ARL10: variants seen among roughly 807,000 people sequenced by gnomAD.
The protein encoded by ARL10 is ADP-ribosylation factor-like protein 10.
ARL10 carries 23 observed loss-of-function variants against 26.1 expected under a neutral mutation model. The ratio of observed to expected loss-of-function variants is 0.88; its 90% CI spans 0.63 to 1.25. ARL10 has a LOEUF of 1.25. Ranked by LOEUF, ARL10 falls within the 50% of genes most tolerant of loss-of-function variation. The probability of loss-of-function intolerance (pLI) is 0.00; values close to 1 mark genes in which losing one functional copy is unlikely to be tolerated. For missense variants in ARL10, 300 were observed against 323.6 expected, an observed-to-expected ratio of 0.93 and a Z score of 0.56; for synonymous variants, 138 against 149.1, an observed-to-expected ratio of 0.93 and a Z score of 0.54.
chr5:176,384,056 G>A, downstream of ARL10: 2 of 1,558,762 alleles, frequency 1.3e-6, no homozygotes, highest in Non-Finnish European at 1.7e-6. Flanking sequence ...TGGAGCCTCT[G>A]AGAACAGTTC....
the ARL10 span, among the ~76,000 whole-genome samples, chr5:176,410,781 G>A: frequency 6.6e-5 from 10 of 151,396 alleles, no homozygotes; most frequent in African/African-American, 1.7e-4. Context: ...TCCCTGAGGC[G>A]CCTTGAGCAA....
chr5:176,380,412 T>C lies in ARL10; in HGVS notation c.*8517T>C, dbSNP rs1581400005. The C allele has an allele frequency of 6.6e-6, 1 of 152,110 alleles. No individual in the cohort carries two copies. The highest frequency in any genetic ancestry group is 2.4e-5 in the African/African-American group (1 of 41,426). The allele number at this position is 152,110 out of a possible 1,614,324, so 9.4% of individuals were successfully genotyped here. A position where few individuals can be genotyped will look rare whatever the true frequency, so the allele number is the denominator to read the frequency against. ...TCATCGTGGCCATTTTAATTCTAAG[T>C]TGTTCCTAGTAAGGTTAACCTGTTT... On this transcript the variant is annotated 3_prime_UTR_variant, in exon 4 of 4. Coordinates refer to ENST00000310389, the MANE Select transcript of ARL10 (RefSeq NM_173664.6).
chr5:176,384,432 C>T (rs1755668370), downstream of ARL10: 2 of 1,542,640 alleles, frequency 1.3e-6, no homozygotes, highest in Non-Finnish European at 1.8e-6. Flanking sequence ...CAAATCTGAA[C>T]TCATCCTGAA....
rs1768637098 is a variant in ARL10 at position 176,374,649 on chromosome 5, T to C, written c.*2754T>C. 6.6e-6 allele frequency: 1 copy of C among 152,234 alleles called. No individual in the cohort carries two copies. The highest frequency in any genetic ancestry group is 1.5e-5 in the Non-Finnish European group (1 of 68,044). 9.4% of individuals were successfully genotyped at this position (152,234 alleles called of 1,614,324 possible). A position where few individuals can be genotyped will look rare whatever the true frequency, so the allele number is the denominator to read the frequency against. Reference sequence around the variant, plus strand: ...TGCTCATAGCCTGTTCAGGGTATAATGGCAATTAAGGACATAGTTCACTAT... The same window carrying C: ...TGCTCATAGCCTGTTCAGGGTATAACGGCAATTAAGGACATAGTTCACTAT... On this transcript the variant is annotated 3_prime_UTR_variant, in exon 4 of 4. Transcript: ENST00000310389.
chr5:176,407,311 T>C, the ARL10 span, among the ~76,000 whole-genome samples: 2,054 of 152,258 alleles, frequency 0.013, 39 homozygotes, highest in African/African-American at 0.047. Flanking sequence ...GTGTTCTAGG[T>C]ACTTTCTTTT....
intron 1 of ARL10, chr5:176,397,802 G>A: frequency 6.6e-7 from 1 of 1,511,608 alleles, no homozygotes; most frequent in Non-Finnish European, 9.2e-7. Context: ...CCCCTGCCAG[G>A]CAGCCACAGG....
At chr5:176,406,747 T>C, downstream of ARL10, 1 of 1,262,344 alleles carries the variant, frequency 7.9e-7, no homozygotes, top group South Asian at 1.3e-5. Flanking sequence ...AAAAGCTCTG[T>C]CTGGGATCCT....
At chr5:176,406,176 G>T, downstream of ARL10, 3 of 989,980 alleles carry the variant, frequency 3.0e-6, no homozygotes, top group Non-Finnish European at 3.6e-6. Flanking sequence ...TCAGTGGGGA[G>T]ATCAGTCATG....
At chr5:176,407,316 T>C in the ARL10 span, among the ~76,000 whole-genome samples, 2 of 152,176 alleles carry the variant, frequency 1.3e-5, no homozygotes, top group African/African-American at 4.8e-5. Flanking sequence ...CTAGGTACTT[T>C]CTTTTTTGAG....
intron 1 of ARL10, among the ~76,000 whole-genome samples, chr5:176,400,369 C>A (rs1234727729): frequency 6.6e-6 from 1 of 152,082 alleles, no homozygotes; most frequent in Non-Finnish European, 1.5e-5. Flanking sequence ...TTATTCATTC[C>A]CATTTTACAA....
intron 1 of ARL10, chr5:176,397,703 A>AC (rs1310070673): frequency 6.2e-7 from 1 of 1,613,390 alleles, no homozygotes; most frequent in Non-Finnish European, 8.5e-7. Context: ...CTGTTCCGTG[A>AC]CCTTAGATGC....
At chr5:176,389,580 C>G, downstream of ARL10, 1 of 1,416,364 alleles carries the variant, frequency 7.1e-7, no homozygotes, top group South Asian at 1.4e-5. Context: ...GGGACTTACT[C>G]CCTCCTCTCC....
rs1416376873 is a variant in ARL10 at position 176,368,925 on chromosome 5, G to T, written c.504G>T (p.Leu168=). Residue 168 remains leucine, a synonymous_variant, in exon 3 of 4, where the codon CTG becomes CTT. Transcript: ENST00000310389. The surrounding 1 kb of genome is among the most constrained non-coding windows in gnomAD (Gnocchi z 4.1). The stretch of plus-strand genomic sequence containing the variant: ...GGCTGCCCTGGGCCCGACAGGAGCT[G>T]CACAAGCTGCTGGACAAGGACCCTG... ...RLRLPWARQE[L]HKLLDKDPDL... 6.2e-7 allele frequency: 1 copy of T among 1,614,080 alleles called. No homozygotes were observed. The highest frequency in any genetic ancestry group is 1.7e-5 in the Admixed American group (1 of 60,028).
At chr5:176,366,102 C>CG (rs1252712897) in intron 1 of ARL10, among the ~76,000 whole-genome samples, 5 of 152,188 alleles carry the variant, frequency 3.3e-5, no homozygotes, top group Non-Finnish European at 7.4e-5. Context: ...GCACCCCGCC[C>CG]GGGGGTGGGG....
chr5:176,365,751 G>A lies in ARL10; in HGVS notation c.183+5G>A. The stretch of plus-strand genomic sequence containing the variant: ...CCCGAGTGGGACGAGTGGGACGTGA[G>A]TGCCGGGCCGAGGCCTGCGGAAGGG... On this transcript the variant is annotated splice_donor_5th_base_variant and intron_variant, in intron 1 of 3. Coordinates refer to ENST00000310389, the MANE Select transcript of ARL10 (RefSeq NM_173664.6). 1 of 1,235,300 alleles carries A rather than the reference G, an allele frequency of 8.1e-7. No homozygotes were observed. Among genetic ancestry groups the A allele is most frequent in the Non-Finnish European group, 1.0e-6 (1 of 989,106 alleles). The allele number at this position is 1,235,300 out of a possible 1,614,324, so 76.5% of individuals were successfully genotyped here. A position where few individuals can be genotyped will look rare whatever the true frequency, so the allele number is the denominator to read the frequency against.
At chr5:176,394,613 G>GATCAAT in intron 1 of ARL10, among the ~76,000 whole-genome samples, 3 of 151,816 alleles carry the variant, frequency 2.0e-5, no homozygotes, top group African/African-American at 4.8e-5. Flanking sequence ...GTCAGATGGA[G>GATCAAT]AGCATCCTGG....
intron 1 of ARL10, among the ~76,000 whole-genome samples, chr5:176,400,687 A>C (rs1561794470): frequency 6.6e-6 from 1 of 152,002 alleles, no homozygotes; most frequent in African/African-American, 2.4e-5. Context: ...CTCCCCTCCC[A>C]GCAATAGTCT....
At chr5:176,406,484 G>A (rs1757126774), downstream of ARL10, 3 of 1,199,562 alleles carry the variant, frequency 2.5e-6, no homozygotes, top group Non-Finnish European at 3.2e-6. Context: ...CTAAATCTAA[G>A]CTAAGCTGAG....
At position 176,371,794 on chromosome 5, in the gene ARL10, G is replaced by A. The variant is rs755882770; in HGVS notation, c.634G>A (p.Glu212Lys). The A allele has an allele frequency of 6.2e-7, 1 of 1,614,246 alleles. No homozygotes were observed. The highest frequency in any genetic ancestry group is 1.1e-5 in the South Asian group (1 of 91,092). The change falls in exon 4 of 4, where the codon GAG (glutamate) becomes AAG (lysine). Residue 212 changes from glutamate to lysine, a missense_variant. By Grantham distance (56) the Glu-to-Lys change is moderately conservative. Transcript: ENST00000310389. ...LGLQAIDNQR[E>K]VFLLAASIAP... ...TCTACAGGCTATCGATAACCAGCGG[G>A]AGGTTTTCCTCTTGGCAGCCAGCAT... is the stretch of plus-strand genomic sequence containing the variant.
Sources: gnomAD v4.1 joint callset for allele counts (sites outside exome capture counted in the v4.1 genomes callset) on GRCh38, gnomAD v4.1.1 for gene constraint, Gnocchi (gnomAD v3.1) non-coding constraint, MANE v1.5 for transcripts, NCBI Gene and HGNC (gene_info 2026-07-23, HGNC 2026-07-21) for gene names.